SLIT2: variants seen among roughly 807,000 people sequenced by gnomAD.
SLIT2 encodes the protein slit homolog 2 protein.
SLIT2 carries 41 observed loss-of-function variants against 185.7 expected under a neutral mutation model. That is an observed-to-expected ratio of 0.22 (90% confidence interval 0.17 to 0.29). The LOEUF (loss-of-function observed/expected upper bound fraction) is 0.29. Ranked by LOEUF, SLIT2 falls within the 10% of genes least tolerant of loss-of-function variation. The pLI, the probability that SLIT2 is intolerant of heterozygous loss-of-function variation, is 1.00. For synonymous variants in SLIT2, 693 were observed against 680.2 expected (o/e 1.02, Z -0.29); for missense variants, 1,571 against 1,909.0 (o/e 0.82, Z 3.30).
intron 4 of SLIT2, among the ~76,000 whole-genome samples, chr4:20,300,319 G>A (rs1716918528): frequency 6.6e-6 from 1 of 151,866 alleles, no homozygotes. Flanking sequence ...AAAGTGGAAT[G>A]GTTTTATTTA....
At chr4:20,286,670 C>T (rs144245581) in intron 4 of SLIT2, among the ~76,000 whole-genome samples, 104 of 152,188 alleles carry the variant, frequency 6.8e-4, no homozygotes, top group African/African-American at 2.4e-3. Flanking sequence ...GGCGTGGTAG[C>T]GTGTGCCTGC....
chr4:20,542,834 G>C (rs896331427), intron 21 of SLIT2, among the ~76,000 whole-genome samples: 1 of 83,622 alleles, frequency 1.2e-5, no homozygotes, highest in East Asian at 4.2e-4. Context: ...GTGTGTGTGT[G>C]TGTGTGTGTG....
At chr4:20,446,200 G>A (rs1033850591) in intron 4 of SLIT2, among the ~76,000 whole-genome samples, 1 of 152,210 alleles carries the variant, frequency 6.6e-6, no homozygotes, top group Non-Finnish European at 1.5e-5. Context: ...GTCTCTGGAG[G>A]CAAGCTGTTG....
chr4:20,339,668 A>G (rs996786940), intron 4 of SLIT2, among the ~76,000 whole-genome samples: 1 of 152,152 alleles, frequency 6.6e-6, no homozygotes, highest in African/African-American at 2.4e-5. Flanking sequence ...TGAAGCATAG[A>G]TTGTTTTGAA....
chr4:20,392,914 T>C (rs1052662124), intron 4 of SLIT2, among the ~76,000 whole-genome samples: 1 of 152,072 alleles, frequency 6.6e-6, no homozygotes. Flanking sequence ...ACAGTTAACT[T>C]TTTTTATTAG....
chr4:20,581,834 C>G (rs994826519), intron 29 of SLIT2, among the ~76,000 whole-genome samples: 1 of 152,184 alleles, frequency 6.6e-6, no homozygotes, highest in South Asian at 2.1e-4. Context: ...GCAACCTCCA[C>G]CTCCCGGGTT....
intron 4 of SLIT2, among the ~76,000 whole-genome samples, chr4:20,318,505 T>A (rs1718786982): frequency 6.6e-6 from 1 of 152,184 alleles, no homozygotes; most frequent in Admixed American, 6.5e-5. Context: ...GAATTAAAAG[T>A]GCTTTCCAGT....
At chr4:20,262,732 T>C (rs1428890838) in intron 3 of SLIT2, among the ~76,000 whole-genome samples, 2 of 151,884 alleles carry the variant, frequency 1.3e-5, no homozygotes, top group East Asian at 1.9e-4. Context: ...ATGCCAATGA[T>C]GTTCACCTAT....
At chr4:20,402,668 A>G (rs1342215833) in intron 4 of SLIT2, among the ~76,000 whole-genome samples, 1 of 151,908 alleles carries the variant, frequency 6.6e-6, no homozygotes, top group Non-Finnish European at 1.5e-5. Context: ...TGTTTCCTTT[A>G]TCACATTTTT....
chr4:20,578,627 C>G (rs1052405065), intron 29 of SLIT2, among the ~76,000 whole-genome samples: 1 of 152,136 alleles, frequency 6.6e-6, no homozygotes, highest in Admixed American at 6.6e-5. Context: ...AGATTTTTAT[C>G]TATTTCAAAG....
chr4:20,524,854 GA>G (rs1721147444), intron 14 of SLIT2, among the ~76,000 whole-genome samples: 1 of 152,086 alleles, frequency 6.6e-6, no homozygotes, highest in Admixed American at 6.6e-5. Context: ...CCTTTTTTAT[GA>G]TAGAATATTT....
chr4:20,381,815 T>G (rs1006108262), intron 4 of SLIT2, among the ~76,000 whole-genome samples: 1 of 152,020 alleles, frequency 6.6e-6, no homozygotes, highest in African/African-American at 2.4e-5. Flanking sequence ...GAGAGAATAC[T>G]TCTCAATGTA....
At chr4:20,455,996 A>T (rs147792206) in intron 4 of SLIT2, among the ~76,000 whole-genome samples, 1 of 152,264 alleles carries the variant, frequency 6.6e-6, no homozygotes, top group East Asian at 1.9e-4. Flanking sequence ...GAAGGAAGTC[A>T]TAGTGATTGG....
At chr4:20,548,964 A>T (rs1362748911) in intron 23 of SLIT2, 93 bp from the exon 24 acceptor site, 19 of 721,880 alleles carry the variant, frequency 2.6e-5, no homozygotes, top group Non-Finnish European at 4.8e-5. Context: ...AGTTAATAAG[A>T]TGCTTTAATA....
At chr4:20,558,422 A>G (rs1315134466) in intron 26 of SLIT2, among the ~76,000 whole-genome samples, 1 of 152,106 alleles carries the variant, frequency 6.6e-6, no homozygotes, top group South Asian at 2.1e-4. Context: ...GAAGGCTCAG[A>G]TGATCATTCA....
chr4:20,533,364 G>C, intron 17 of SLIT2: 1 of 567,456 alleles, frequency 1.8e-6, no homozygotes, highest in Non-Finnish European at 3.2e-6. Flanking sequence ...GAGTCACGCT[G>C]GCATTTTTTA....
At chr4:20,472,070 T>C (rs1715098619) in intron 5 of SLIT2, among the ~76,000 whole-genome samples, 1 of 150,810 alleles carries the variant, frequency 6.6e-6, no homozygotes, top group Non-Finnish European at 1.5e-5. Flanking sequence ...TAATGGTCAC[T>C]GGTGGTACAT....
chr4:20,298,572 A>G (rs941743597), intron 4 of SLIT2, among the ~76,000 whole-genome samples: 1 of 152,158 alleles, frequency 6.6e-6, no homozygotes, highest in Non-Finnish European at 1.5e-5. Context: ...AGGAAAAACA[A>G]TCTCCTTCAA....
At chr4:20,575,580 C>T (rs1577955733) in intron 29 of SLIT2, among the ~76,000 whole-genome samples, 1 of 152,224 alleles carries the variant, frequency 6.6e-6, no homozygotes, top group African/African-American at 2.4e-5. Context: ...GAGGTGGGGG[C>T]CTCTGCTGGA....
Sources: allele counts gnomAD v4.1 joint callset (sites outside exome capture counted in the v4.1 genomes callset), GRCh38; gene constraint gnomAD v4.1.1; transcripts MANE v1.5; gene names NCBI Gene and HGNC (gene_info 2026-07-23, HGNC 2026-07-21).